Variants in TRIM14 observed in about 807,000 individuals in gnomAD.
TRIM14 encodes tripartite motif containing 14.
TRIM14 carries 28 observed loss-of-function variants against 44.5 expected under a neutral mutation model. The ratio of observed to expected loss-of-function variants is 0.63; its 90% CI spans 0.47 to 0.86. The LOEUF (loss-of-function observed/expected upper bound fraction) is 0.86. Ranked by LOEUF, TRIM14 falls within the 40% of genes least tolerant of loss-of-function variation. The pLI is 0.00. For synonymous variants in TRIM14, 299 were observed against 269.2 expected (o/e 1.11, Z -1.08); for missense variants, 607 against 611.1 (o/e 0.99, Z 0.07).
chr9:98,060,695 G>A, the TRIM14 span: 3 of 1,152,626 alleles, frequency 2.6e-6, no homozygotes, highest in Non-Finnish European at 2.6e-6. Flanking sequence ...AATAAAGATG[G>A]TGATGTCATA....
rs1189636288 is a variant in TRIM14, at chr9:98,075,426, G to GGGAAGGAAAGGGA, written c.*29-5752_*29-5740dup. 2 of 149,824 alleles carry GGGAAGGAAAGGGA rather than the reference G, an allele frequency of 1.3e-5. 1 individual carries two copies. Among genetic ancestry groups the GGGAAGGAAAGGGA allele is most frequent in the African/African-American group, 4.9e-5 (2 of 40,594 alleles). 9.3% of individuals were successfully genotyped at this position (149,824 alleles called of 1,614,324 possible). On this transcript the variant is annotated intron_variant, in intron 6 of 6. Transcript: ENST00000375098. ...GGGAGGAAGGAAAGGGAGAGAGGGA[G>GGGAAGGAAAGGGA]GGAAGGAAAGGGAGGAAGGAAAGGG...
the TRIM14 span, among the ~76,000 whole-genome samples, chr9:98,057,842 T>C: frequency 7.3e-6 from 1 of 137,214 alleles, no homozygotes; most frequent in Non-Finnish European, 1.6e-5. Flanking sequence ...TATTTATTTA[T>C]TTATCTATGT....
chr9:98,099,171 G>A (rs138681727), intron 3 of TRIM14, among the ~76,000 whole-genome samples: 70 of 152,242 alleles, frequency 4.6e-4, no homozygotes, highest in African/African-American at 1.6e-3. Context: ...TATAAAGGCA[G>A]GCTGATTGCG....
chr9:98,037,487 C>T, the TRIM14 span, among the ~76,000 whole-genome samples: 1 of 152,128 alleles, frequency 6.6e-6, no homozygotes, highest in East Asian at 1.9e-4. Flanking sequence ...AGCTTGTGCA[C>T]TGAAGGACCT....
chr9:98,072,860 T>C (rs2117860982), intron 6 of TRIM14, among the ~76,000 whole-genome samples: 1 of 152,292 alleles, frequency 6.6e-6, no homozygotes, highest in Non-Finnish European at 1.5e-5. Flanking sequence ...AACAGGCATT[T>C]ATTGAATGCA....
intron 6 of TRIM14, among the ~76,000 whole-genome samples, chr9:98,079,027 T>TGAA: frequency 6.6e-6 from 1 of 152,164 alleles, no homozygotes; most frequent in South Asian, 2.1e-4. Context: ...TCTTATTTTC[T>TGAA]AATGCTGAGC....
intron 5 of TRIM14, among the ~76,000 whole-genome samples, chr9:98,091,546 A>G (rs973549857): frequency 6.6e-6 from 1 of 152,178 alleles, no homozygotes; most frequent in African/African-American, 2.4e-5. Context: ...ATGAAAACAG[A>G]TGACAAAACA....
intron 6 of TRIM14, among the ~76,000 whole-genome samples, chr9:98,073,109 C>T (rs1190156110): frequency 6.6e-6 from 1 of 152,002 alleles, no homozygotes; most frequent in African/African-American, 2.4e-5. Flanking sequence ...ATGCTCTCCT[C>T]ACACACAGTG....
At chr9:98,056,728 G>A in the TRIM14 span, 2 of 1,529,178 alleles carry the variant, frequency 1.3e-6, no homozygotes, top group Non-Finnish European at 1.8e-6. Context: ...TCGCAGCGTT[G>A]CTCACAGAAC....
downstream of TRIM14, among the ~76,000 whole-genome samples, chr9:98,065,602 G>C (rs76598821): frequency 3.4e-4 from 50 of 146,572 alleles, no homozygotes; most frequent in African/African-American, 1.3e-3. Flanking sequence ...GCCTCCCAAA[G>C]TGTTAGGATT....
In TRIM14 at chr9:98,095,073, G is replaced by A. The variant is rs891363623; in HGVS notation, c.538-44C>T. 7 of 1,585,380 alleles carry A rather than the reference G, an allele frequency of 4.4e-6. No individual in the cohort carries two copies. The highest frequency in any genetic ancestry group is 5.1e-6 in the Non-Finnish European group (6 of 1,168,582). ...GTGAGGGTGGCTCTGGGAGATGCAG[G>A]CAGCATCCCAGCCTCCTGTGCTGCA... On this transcript the variant is annotated intron_variant, in intron 3 of 5. Coordinates refer to ENST00000341469, the MANE Select transcript of TRIM14 (RefSeq NM_014788.4). The surrounding 1 kb of genome is among the most constrained non-coding windows in gnomAD (Gnocchi z 4.1).
At chr9:98,052,717 G>A in the TRIM14 span, among the ~76,000 whole-genome samples, 1 of 152,172 alleles carries the variant, frequency 6.6e-6, no homozygotes, top group Non-Finnish European at 1.5e-5. Flanking sequence ...TGTTAGTCAA[G>A]CTGGTCTCAA....
chr9:98,119,084 G>T lies in TRIM14; in HGVS notation c.105C>A (p.Phe35Leu). The T allele has an allele frequency of 6.3e-7, 1 of 1,585,314 alleles. No individual in the cohort carries two copies. The highest frequency in any genetic ancestry group is 8.5e-7 in the Non-Finnish European group (1 of 1,175,538). The change falls in exon 1 of 6, where the codon TTC becomes TTA. Residue 35 changes from phenylalanine to leucine, a missense_variant. Coordinates refer to ENST00000341469, the MANE Select transcript of TRIM14 (RefSeq NM_014788.4). ...ACACGCAGCGGCGGCAGCGGCGACA[G>T]AAGAGCTCAGCCACGCGGTCGCCAT... ...PEHGDRVAELFCRRCRRCVCA... is the reference protein window; with the variant it reads ...PEHGDRVAELLCRRCRRCVCA...
At chr9:98,057,200 AG>A in the TRIM14 span, among the ~76,000 whole-genome samples, 160 of 152,352 alleles carry the variant, frequency 1.1e-3, no homozygotes, top group Middle Eastern at 0.017. Context: ...TCTTTCTAAA[AG>A]TCAGACTTGA....
chr9:98,089,261 C>T (rs1023218018), intron 5 of TRIM14, among the ~76,000 whole-genome samples: 11 of 152,032 alleles, frequency 7.2e-5, no homozygotes, highest in Non-Finnish European at 1.6e-4. Flanking sequence ...ACTGCAACCT[C>T]GGCCTCCTGG....
chr9:98,079,651 CCA>C (rs1829760494), downstream of TRIM14, among the ~76,000 whole-genome samples: 1 of 152,190 alleles, frequency 6.6e-6, no homozygotes, highest in African/African-American at 2.4e-5. Flanking sequence ...CACTCCCATC[CCA>C]CAGAGATTCC....
chr9:98,087,547 G>A lies in TRIM14; in HGVS notation c.1252C>T (p.Arg418Cys). 6.3e-7 allele frequency: 1 copy of A among 1,595,546 alleles called. No individual in the cohort carries two copies. The change falls in exon 6 of 6, where the codon CGC (arginine) becomes TGC (cysteine). Residue 418 changes from arginine to cysteine, a missense_variant. Arg to Cys is a radical substitution (Grantham distance 180). Transcript: ENST00000341469. ...TAGAGCGGCTCCTGGAACGTGGCGC[G>A]GAAGGTATGCAGGTGGCTCATGCCG... is the stretch of plus-strand genomic sequence containing the variant. ...TGGMSHLHTFRATFQEPLYPA... is the reference protein window; with the variant it reads ...TGGMSHLHTFCATFQEPLYPA...
intron 2 of TRIM14, among the ~76,000 whole-genome samples, chr9:98,106,035 GA>G (rs979676928): frequency 4.2e-4 from 64 of 152,246 alleles, no homozygotes; most frequent in African/African-American, 1.5e-3. Context: ...AATGAGTCTG[GA>G]GCTACTGAAA....
chr9:98,080,759 A>G, downstream of TRIM14: 1 of 1,520,190 alleles, frequency 6.6e-7, no homozygotes, highest in Non-Finnish European at 8.8e-7. Context: ...CTTCACCTGG[A>G]GAATATGCAT....
Sources: allele counts gnomAD v4.1 joint callset (sites outside exome capture counted in the v4.1 genomes callset), GRCh38; gene constraint gnomAD v4.1.1; non-coding constraint Gnocchi (gnomAD v3.1); transcripts MANE v1.5; gene names NCBI Gene and HGNC (gene_info 2026-07-23, HGNC 2026-07-21).